CADM2: variants seen among roughly 807,000 people sequenced by gnomAD.
CADM2 encodes the protein cell adhesion molecule 2.
A neutral mutation model predicts 49.8 loss-of-function variants in CADM2; 12 were observed. That is an observed-to-expected ratio of 0.24 (90% confidence interval 0.15 to 0.39). The LOEUF is 0.39. Ranked by LOEUF, CADM2 falls within the 10% of genes least tolerant of loss-of-function variation. The pLI, the probability that CADM2 is intolerant of heterozygous loss-of-function variation, is 1.00. For synonymous variants in CADM2, 214 were observed against 175.4 expected (o/e 1.22, Z -1.74); for missense variants, 378 against 492.3 (o/e 0.77, Z 2.20).
chr3:85,774,585 A>G (rs1040375382), intron 2 of CADM2, among the ~76,000 whole-genome samples: 12 of 151,656 alleles, frequency 7.9e-5, no homozygotes, highest in African/African-American at 2.9e-4. Context: ...TTGCAACCAG[A>G]AATATTGCTA....
chr3:85,585,584 C>G (rs746072001), intron 1 of CADM2, among the ~76,000 whole-genome samples: 2 of 151,898 alleles, frequency 1.3e-5, no homozygotes, highest in Non-Finnish European at 2.9e-5. Flanking sequence ...TGGGTACTAT[C>G]TGCACTTTTA....
At chr3:85,893,218 T>C (rs984361994) in intron 5 of CADM2, among the ~76,000 whole-genome samples, 24 of 152,096 alleles carry the variant, frequency 1.6e-4, no homozygotes, top group African/African-American at 5.8e-4. Context: ...ACTGATGTAG[T>C]AGAAAAGAAA....
intron 1 of CADM2, among the ~76,000 whole-genome samples, chr3:85,653,260 A>G (rs1280560309): frequency 6.7e-6 from 1 of 149,876 alleles, no homozygotes; most frequent in African/African-American, 2.5e-5. Flanking sequence ...GAGGGGAGCC[A>G]TAGGAGGGAT....
chr3:85,708,833 C>T (rs983561859), intron 1 of CADM2, among the ~76,000 whole-genome samples: 5 of 151,944 alleles, frequency 3.3e-5, no homozygotes, highest in Admixed American at 6.6e-5. Context: ...CTGAAATATA[C>T]ACAAAGGTTG....
At chr3:85,330,610 G>A (rs767476757) in intron 1 of CADM2, among the ~76,000 whole-genome samples, 1 of 151,856 alleles carries the variant, frequency 6.6e-6, no homozygotes, top group South Asian at 2.1e-4. Flanking sequence ...TTTTTCATAG[G>A]CAATGTCTTT....
chr3:85,765,695 T>C (rs969887565), intron 2 of CADM2, among the ~76,000 whole-genome samples: 14 of 152,222 alleles, frequency 9.2e-5, no homozygotes, highest in Middle Eastern at 3.4e-3. Flanking sequence ...TATCATGTAT[T>C]TCTTATTTAT....
intron 1 of CADM2, among the ~76,000 whole-genome samples, chr3:85,669,699 T>C (rs2065678289): frequency 2.0e-5 from 3 of 152,096 alleles, no homozygotes; most frequent in Admixed American, 2.0e-4. Context: ...CTTTCTTTCA[T>C]GGATCCCTAG....
intron 1 of CADM2, among the ~76,000 whole-genome samples, chr3:85,599,468 A>AAT: frequency 6.6e-6 from 1 of 151,964 alleles, no homozygotes; most frequent in Non-Finnish European, 1.5e-5. Flanking sequence ...CTCTGTTCAG[A>AAT]GCCCAAAACT....
chr3:85,343,156 C>CT lies in CADM2; in HGVS notation c.62-383366_62-383365insT, dbSNP rs1376265476. Among the ~76,000 whole-genome samples the CT allele has an allele frequency of 7.9e-5, 12 of 152,238 alleles. No homozygotes were observed. The South Asian group carries it at 2.1e-3, about 26-fold the overall frequency. ...GGGGCAGGGATGCTGTTACACATTG[C>CT]ACGATGTACAGCACAGCCTCCCACG... On this transcript the variant is annotated intron_variant, in intron 1 of 9. Transcript: ENST00000383699.
chr3:85,890,230 A>G (rs1191407293), intron 5 of CADM2, among the ~76,000 whole-genome samples: 2 of 152,074 alleles, frequency 1.3e-5, no homozygotes, highest in Admixed American at 1.3e-4. Flanking sequence ...AGACAATGAG[A>G]CAAGTGGTTA....
At chr3:85,658,361 C>A (rs12498070) in intron 1 of CADM2, among the ~76,000 whole-genome samples, 24,469 of 151,544 alleles carry the variant, frequency 0.16, 2,313 homozygotes, top group South Asian at 0.27. Context: ...TCAGAAGAAA[C>A]TAACTCTGTC....
intron 1 of CADM2, among the ~76,000 whole-genome samples, chr3:85,602,932 A>G (rs1215869644): frequency 1.3e-5 from 2 of 151,468 alleles, no homozygotes; most frequent in African/African-American, 4.8e-5. Context: ...GTATTTGTTC[A>G]TTTTTATTTT....
intron 1 of CADM2, among the ~76,000 whole-genome samples, chr3:85,514,528 A>G (rs2060848134): frequency 6.6e-6 from 1 of 152,090 alleles, no homozygotes; most frequent in South Asian, 2.1e-4. Context: ...ATCATAGTAG[A>G]GATTACATGC....
In CADM2 at chr3:85,074,534, A is replaced by T. The variant is rs576781829; in HGVS notation, c.61+114866A>T. ...CTTTTTATCACTTTATTTCACTGAC[A>T]TATACCAAGCAGTTAGAATAGTTCC... On this transcript the variant is annotated intron_variant, in intron 1 of 9. Transcript: ENST00000383699. Among the ~76,000 whole-genome samples the T allele has an allele frequency of 2.0e-5, 3 of 152,288 alleles. No individual in the cohort carries two copies. In the East Asian group the frequency reaches 5.8e-4, roughly 29 times the overall value.
intron 3 of CADM2, among the ~76,000 whole-genome samples, chr3:85,880,689 A>G (rs1712620056): frequency 6.6e-6 from 1 of 152,200 alleles, no homozygotes; most frequent in African/African-American, 2.4e-5. Flanking sequence ...ACAGGTAATA[A>G]GCTATTCTCT....
chr3:85,254,285 G>T (rs1043671714), intron 1 of CADM2, among the ~76,000 whole-genome samples: 1 of 151,988 alleles, frequency 6.6e-6, no homozygotes, highest in Non-Finnish European at 1.5e-5. Context: ...CCTGTCTAGG[G>T]CACCACCCTA....
At chr3:85,886,800 C>T (rs1157655785) in intron 5 of CADM2, among the ~76,000 whole-genome samples, 1 of 151,988 alleles carries the variant, frequency 6.6e-6, no homozygotes, top group African/African-American at 2.4e-5. Context: ...TCACAAAAGG[C>T]AAAAATGTGT....
chr3:85,563,832 T>C (rs991909346), intron 1 of CADM2, among the ~76,000 whole-genome samples: 2 of 152,154 alleles, frequency 1.3e-5, no homozygotes, highest in African/African-American at 4.8e-5. Flanking sequence ...TTGATTGCAG[T>C]GGCACCATTA....
intron 1 of CADM2, among the ~76,000 whole-genome samples, chr3:85,247,600 G>C (rs1221580889): frequency 1.3e-5 from 2 of 152,136 alleles, no homozygotes; most frequent in Non-Finnish European, 2.9e-5. Context: ...TAAATTAGGT[G>C]AGTAATCCTG....
Sources: gnomAD v4.1 joint callset for allele counts (sites outside exome capture counted in the v4.1 genomes callset) on GRCh38, gnomAD v4.1.1 for gene constraint, MANE v1.5 for transcripts, NCBI Gene and HGNC (gene_info 2026-07-23, HGNC 2026-07-21) for gene names.